Variants in PDZD2 observed in about 807,000 individuals in gnomAD.
The protein encoded by PDZD2 is PDZ domain-containing protein 2.
PDZD2 carries 90 observed loss-of-function variants against 220.7 expected under a neutral mutation model. That is an observed-to-expected ratio of 0.41 (90% CI 0.34 to 0.49). The LOEUF (loss-of-function observed/expected upper bound fraction) is 0.49. Among genes scored for constraint, PDZD2 ranks in the 20% least tolerant of loss-of-function variants. The pLI, the probability that PDZD2 is intolerant of heterozygous loss-of-function variation, is 0.28. For missense variants in PDZD2, 3,174 were observed against 3,608.5 expected, an observed-to-expected ratio of 0.88 and a Z score of 3.08; for synonymous variants, 1,375 against 1,450.5, an observed-to-expected ratio of 0.95 and a Z score of 1.18.
chr5:31,922,103 A>G (rs113137193), intron 2 of PDZD2, among the ~76,000 whole-genome samples: 8 of 2,552 alleles, frequency 3.1e-3, no homozygotes, highest in African/African-American at 0.02. Flanking sequence ...TTCTTGTGGG[A>G]AAAAAAAGGG....
chr5:31,850,871 C>T (rs58094145), intron 2 of PDZD2, among the ~76,000 whole-genome samples: 3 of 152,134 alleles, frequency 2.0e-5, no homozygotes, highest in Non-Finnish European at 2.9e-5. Context: ...CTCCTGACCT[C>T]GTGTTCCACC....
At chr5:31,856,216 C>G (rs1758431210) in intron 2 of PDZD2, among the ~76,000 whole-genome samples, 1 of 152,136 alleles carries the variant, frequency 6.6e-6, no homozygotes. Flanking sequence ...GAATGCTAAC[C>G]TGTAGGCCTC....
At chr5:31,709,907 G>A (rs7726711) in intron 1 of PDZD2, among the ~76,000 whole-genome samples, 80,913 of 152,104 alleles carry the variant, frequency 0.53, 21,836 homozygotes, top group African/African-American at 0.62. Flanking sequence ...AGTGAGCCAA[G>A]ATCACGCCAC....
chr5:31,736,791 T>A (rs1749886678), intron 1 of PDZD2, among the ~76,000 whole-genome samples: 1 of 152,120 alleles, frequency 6.6e-6, no homozygotes. Flanking sequence ...TGGGGGCAGA[T>A]CTATCATGAA....
chr5:31,857,025 T>A (rs1389546642), intron 2 of PDZD2, among the ~76,000 whole-genome samples: 1 of 152,066 alleles, frequency 6.6e-6, no homozygotes, highest in Non-Finnish European at 1.5e-5. Flanking sequence ...GTTCTTTGTC[T>A]TTTCTAGAGG....
Position 31,651,848 on chromosome 5 carries a change from T to C in PDZD2, c.-361+12411T>C, listed in dbSNP as rs140678798. ...GTTTGTTTGTTTTGAGATGGTGTCT[T>C]GCTCTGTCACCCAGGCTGGAGTGTA... is the stretch of plus-strand genomic sequence containing the variant. On this transcript the variant is annotated intron_variant, in intron 1 of 24. Transcript: ENST00000438447. Among the ~76,000 whole-genome samples, 1,359 of 151,682 alleles carry C rather than the reference T, an allele frequency of 9.0e-3. 21 individuals are homozygous for C. Among genetic ancestry groups the C allele is most frequent in the African/African-American group, 0.031 (1,261 of 41,326 alleles).
At chr5:32,030,508 T>G (rs998755322) in intron 6 of PDZD2, among the ~76,000 whole-genome samples, 1 of 152,270 alleles carries the variant, frequency 6.6e-6, no homozygotes, top group African/African-American at 2.4e-5. Context: ...GAGTTTCCTT[T>G]TTACCTGCTG....
At chr5:31,722,697 G>GT (rs200686800) in intron 1 of PDZD2, among the ~76,000 whole-genome samples, 28,514 of 150,300 alleles carry the variant, frequency 0.19, 2,795 homozygotes, top group African/African-American at 0.23. Context: ...TTTTTTTGTT[G>GT]TTTTTTTTTT....
intron 2 of PDZD2, among the ~76,000 whole-genome samples, chr5:31,926,354 C>CACTG (rs1744760836): frequency 6.6e-6 from 1 of 150,876 alleles, no homozygotes; most frequent in African/African-American, 2.5e-5. Context: ...TGGCAAAACC[C>CACTG]CATCTCTACT....
intron 7 of PDZD2, among the ~76,000 whole-genome samples, chr5:32,038,064 G>T (rs1271397211): frequency 2.7e-5 from 4 of 147,192 alleles, no homozygotes; most frequent in African/African-American, 1.0e-4. Flanking sequence ...GGCTGGTCTT[G>T]AACTCCTGAC....
Position 31,828,308 on chromosome 5 carries a change from T to C in PDZD2, c.476+28584T>C, listed in dbSNP as rs576576693. Among the ~76,000 whole-genome samples the C allele has an allele frequency of 1.7e-3, 254 of 152,312 alleles. 1 individual carries two copies. Among genetic ancestry groups the C allele is most frequent in the African/African-American group, 6.0e-3 (249 of 41,574 alleles). On this transcript the variant is annotated intron_variant, in intron 2 of 24. Transcript: ENST00000438447. ...ATTTTACATCCCCACCAGCAGTGTA[T>C]AAGGGTTCTAATTTCTCCACATTCC...
At chr5:32,017,268 C>G (rs1179138146) in intron 6 of PDZD2, among the ~76,000 whole-genome samples, 1 of 152,120 alleles carries the variant, frequency 6.6e-6, no homozygotes, top group Admixed American at 6.5e-5. Flanking sequence ...AAAACTCCAT[C>G]TCTACTAAAA....
chr5:32,029,550 G>C (rs960725868), intron 6 of PDZD2, among the ~76,000 whole-genome samples: 1 of 152,086 alleles, frequency 6.6e-6, no homozygotes, highest in African/African-American at 2.4e-5. Flanking sequence ...CTGTGGCGGT[G>C]ACACAGGCTC....
intron 6 of PDZD2, among the ~76,000 whole-genome samples, chr5:32,036,999 G>A (rs1191179139): frequency 6.6e-6 from 1 of 152,198 alleles, no homozygotes; most frequent in Admixed American, 6.5e-5. Context: ...GAGGACTGGG[G>A]GCCCCTGGTT....
chr5:31,811,002 GAC>G (rs1335762464), intron 2 of PDZD2, among the ~76,000 whole-genome samples: 2 of 151,992 alleles, frequency 1.3e-5, no homozygotes, highest in African/African-American at 4.8e-5. Flanking sequence ...ATTTTTTTGA[GAC>G]AGAGTCTCGC....
intron 2 of PDZD2, among the ~76,000 whole-genome samples, chr5:31,912,292 C>A (rs1261642366): frequency 1.3e-5 from 2 of 152,024 alleles, no homozygotes; most frequent in Non-Finnish European, 2.9e-5. Flanking sequence ...AGAGGCCAGG[C>A]AGTTCTCTAG....
chr5:31,723,838 G>A (rs1390510875), intron 1 of PDZD2, among the ~76,000 whole-genome samples: 3 of 152,012 alleles, frequency 2.0e-5, no homozygotes, highest in Admixed American at 6.6e-5. Context: ...GGCTGGTCTC[G>A]AACTCCTGAT....
chr5:31,866,635 C>A (rs1186037045), intron 2 of PDZD2, among the ~76,000 whole-genome samples: 3 of 152,176 alleles, frequency 2.0e-5, no homozygotes, highest in Non-Finnish European at 2.9e-5. Context: ...GCTGACCCTG[C>A]CAGCTGACCT....
At chr5:31,691,094 G>A (rs144616931) in intron 1 of PDZD2, among the ~76,000 whole-genome samples, 6 of 152,250 alleles carry the variant, frequency 3.9e-5, no homozygotes. Flanking sequence ...GAGTGTTACA[G>A]TTCTTAAAGT....
Sources: allele counts gnomAD v4.1 joint callset (sites outside exome capture counted in the v4.1 genomes callset), GRCh38; gene constraint gnomAD v4.1.1; transcripts MANE v1.5; gene names NCBI Gene and HGNC (gene_info 2026-07-23, HGNC 2026-07-21).